CTTNBP2NL: variants seen among roughly 807,000 people sequenced by gnomAD.
CTTNBP2NL encodes CTTNBP2 N-terminal-like protein.
In CTTNBP2NL, 16 loss-of-function variants were observed where a neutral mutation model predicts 32.5. The ratio of observed to expected loss-of-function variants is 0.49; its 90% CI spans 0.33 to 0.75. CTTNBP2NL has a LOEUF of 0.75. CTTNBP2NL is among the 30% of genes least tolerant of loss of function. The pLI, the probability that CTTNBP2NL is intolerant of heterozygous loss-of-function variation, is 0.02. For missense variants in CTTNBP2NL, 645 were observed against 756.0 expected, an observed-to-expected ratio of 0.85 and a Z score of 1.72; for synonymous variants, 298 against 289.4, an observed-to-expected ratio of 1.03 and a Z score of -0.30.
In CTTNBP2NL at chr1:112,460,677, A is replaced by G. The variant is rs1044433153; in HGVS notation, c.*3265A>G. On this transcript the variant is annotated 3_prime_UTR_variant, in exon 6 of 6. Transcript: ENST00000271277. The stretch of plus-strand genomic sequence containing the variant: ...CAAATGATTAATGCATCCCTTTTCA[A>G]CTACTCCAGCGCTGTTGCTGCTGCA... 2.6e-5 allele frequency: 4 copies of G among 152,252 alleles called. No individual in the cohort carries two copies. Among genetic ancestry groups the G allele is most frequent in the Non-Finnish European group, 2.9e-5 (2 of 68,042 alleles). The allele number at this position is 152,252 out of a possible 1,614,324, so 9.4% of individuals were successfully genotyped here.
chr1:112,445,573 C>T (rs1182956425), intron 3 of CTTNBP2NL, among the ~76,000 whole-genome samples: 3 of 152,156 alleles, frequency 2.0e-5, no homozygotes, highest in African/African-American at 4.8e-5. Context: ...TTAAGAGAAT[C>T]GCTCTCTGAC....
At chr1:112,407,567 C>G (rs6699550) in intron 1 of CTTNBP2NL, among the ~76,000 whole-genome samples, 1,642 of 152,264 alleles carry the variant, frequency 0.011, 26 homozygotes, top group African/African-American at 0.038. Flanking sequence ...TTTAGAGATC[C>G]TGTTTCCAAA....
At chr1:112,448,117 C>G (rs926642624) in intron 3 of CTTNBP2NL, among the ~76,000 whole-genome samples, 1 of 152,204 alleles carries the variant, frequency 6.6e-6, no homozygotes, top group Non-Finnish European at 1.5e-5. Context: ...TGACCAGACT[C>G]CAGGCACCAG....
chr1:112,435,575 A>T (rs1303869272), intron 3 of CTTNBP2NL, among the ~76,000 whole-genome samples: 21 of 152,224 alleles, frequency 1.4e-4, no homozygotes. Context: ...ACTGTTGTTG[A>T]TAATTTCCAT....
intron 1 of CTTNBP2NL, among the ~76,000 whole-genome samples, chr1:112,402,013 C>T (rs985803645): frequency 2.6e-5 from 4 of 152,188 alleles, no homozygotes; most frequent in African/African-American, 7.2e-5. Flanking sequence ...GGTCTACAGA[C>T]AAAGACTCCT....
chr1:112,445,491 T>C (rs959785755), intron 3 of CTTNBP2NL, among the ~76,000 whole-genome samples: 1 of 152,206 alleles, frequency 6.6e-6, no homozygotes, highest in Non-Finnish European at 1.5e-5. Context: ...CATGTTCCAG[T>C]CCAGTGTTTG....
chr1:112,440,901 C>T (rs759261405), intron 3 of CTTNBP2NL, among the ~76,000 whole-genome samples: 9 of 135,398 alleles, frequency 6.6e-5, no homozygotes, highest in Non-Finnish European at 1.2e-4. Context: ...CGAGTGTTAA[C>T]GTCTCTGTTG....
intron 3 of CTTNBP2NL, among the ~76,000 whole-genome samples, chr1:112,430,752 C>T (rs565525496): frequency 6.6e-6 from 1 of 150,972 alleles, no homozygotes; most frequent in African/African-American, 2.5e-5. Flanking sequence ...GACTAAAATA[C>T]ATGTTAGTAG....
Position 112,456,134 on chromosome 1 carries a change from G to A in CTTNBP2NL, c.642G>A (p.Val214=). 1.2e-6 allele frequency: 2 copies of A among 1,614,152 alleles called. No individual in the cohort carries two copies. Among genetic ancestry groups the A allele is most frequent in the South Asian group, 1.1e-5 (1 of 91,072 alleles). Residue 214 remains valine (V), a synonymous_variant, in exon 6 of 6, where the codon GTG becomes GTA. Coordinates refer to ENST00000271277, the MANE Select transcript of CTTNBP2NL (RefSeq NM_018704.3). Reference sequence around the variant, plus strand: ...AATTGGAGAAGGAGAAGAGCCGGGTGAGTAAACTGGAAGAAGAGTTGGCAG... The same window carrying A: ...AATTGGAGAAGGAGAAGAGCCGGGTAAGTAAACTGGAAGAAGAGTTGGCAG... ...SLKLEKEKSR[V]SKLEEELAAE... is the part of the protein sequence containing the mutation.
rs141621850 is a variant in CTTNBP2NL at position 112,448,386 on chromosome 1, A to G, written c.100-556A>G. On this transcript the variant is annotated intron_variant, in intron 3 of 5. Coordinates refer to ENST00000271277, the MANE Select transcript of CTTNBP2NL (RefSeq NM_018704.3). ...ATCCTGCTTATATTTTGCACACTTT[A>G]TATATCTGCTGGCATTTTGTTAGGT... 3.5e-3 allele frequency among the ~76,000 whole-genome samples: 526 copies of G among 152,360 alleles called. 3 individuals carry two copies. Among genetic ancestry groups the G allele is most frequent in the African/African-American group, 0.012 (489 of 41,588 alleles).
intron 2 of CTTNBP2NL, chr1:112,415,905 G>A (rs922630703): frequency 1.1e-5 from 4 of 376,006 alleles, no homozygotes; most frequent in African/African-American, 6.5e-5. Context: ...TTGTAAACGT[G>A]TCTGGAGGAA....
At chr1:112,452,335 C>CTTTTTTTTTT (rs1157736195) in intron 4 of CTTNBP2NL, among the ~76,000 whole-genome samples, 1 of 65,720 alleles carries the variant, frequency 1.5e-5, no homozygotes, top group African/African-American at 6.1e-5. Flanking sequence ...CCAGTCTCTT[C>CTTTTTTTTTT]TTTTTTTTTT....
At chr1:112,449,194 T>C in intron 4 of CTTNBP2NL, 22 bp downstream of exon 4, 1 of 1,361,462 alleles carries the variant, frequency 7.3e-7, no homozygotes, top group Non-Finnish European at 1.0e-6. Flanking sequence ...TCAGTTGATG[T>C]GTAAATCTTT....
At chr1:112,396,392 C>CCTGAGGGG (rs1648327559) in intron 1 of CTTNBP2NL, 120 bp downstream of exon 1, 1 of 152,244 alleles carries the variant, frequency 6.6e-6, no homozygotes, top group Admixed American at 6.5e-5. Context: ...GGGCCCATCC[C>CCTGAGGGG]CTGAGGGGGC....
chr1:112,405,578 G>C (rs1019277573), intron 1 of CTTNBP2NL, among the ~76,000 whole-genome samples: 4 of 152,148 alleles, frequency 2.6e-5, no homozygotes, highest in Middle Eastern at 3.2e-3. Flanking sequence ...GATTACATGC[G>C]TGAGCCGCTG....
intron 3 of CTTNBP2NL, among the ~76,000 whole-genome samples, chr1:112,418,346 A>G (rs1649125133): frequency 1.3e-5 from 2 of 152,076 alleles, no homozygotes; most frequent in Non-Finnish European, 1.5e-5. Flanking sequence ...AGAGCCCCCC[A>G]TAATTACGTT....
intron 2 of CTTNBP2NL, among the ~76,000 whole-genome samples, chr1:112,412,890 A>G (rs1648924811): frequency 6.6e-6 from 1 of 152,108 alleles, no homozygotes. Flanking sequence ...AAGTGCTGGG[A>G]TGGGATTACA....
At chr1:112,400,966 CAAAA>C (rs56784970) in intron 1 of CTTNBP2NL, among the ~76,000 whole-genome samples, 1,632 of 102,658 alleles carry the variant, frequency 0.016, 39 homozygotes, top group African/African-American at 0.061. Flanking sequence ...ACTCTGTCAC[CAAAA>C]AAAAAAAAAA....
At chr1:112,439,801 G>A (rs1029509124) in intron 3 of CTTNBP2NL, among the ~76,000 whole-genome samples, 2 of 152,122 alleles carry the variant, frequency 1.3e-5, no homozygotes, top group Non-Finnish European at 2.9e-5. Context: ...TTAGATTGCC[G>A]ATTGCTCCAT....
Sources: gnomAD v4.1 joint callset for allele counts (sites outside exome capture counted in the v4.1 genomes callset) on GRCh38, gnomAD v4.1.1 for gene constraint, MANE v1.5 for transcripts, NCBI Gene and HGNC (gene_info 2026-07-23, HGNC 2026-07-21) for gene names.